PCGF3: variants seen among roughly 807,000 people sequenced by gnomAD.
PCGF3 encodes the protein polycomb group ring finger 3, also known as polycomb group RING finger protein 3.
PCGF3 carries 7 observed loss-of-function variants against 33.1 expected under a neutral mutation model. The ratio of observed to expected loss-of-function variants is 0.21; its 90% confidence interval spans 0.12 to 0.40. The LOEUF is 0.40. PCGF3 is among the 10% of genes least tolerant of loss of function. The probability of loss-of-function intolerance (pLI) is 1.00; values close to 1 mark genes in which losing one functional copy is unlikely to be tolerated. For missense variants in PCGF3, 211 were observed against 313.3 expected, an observed-to-expected ratio of 0.67 and a Z score of 2.46; for synonymous variants, 153 against 121.3, an observed-to-expected ratio of 1.26 and a Z score of -1.72.
chr4:729,519 G>A (rs933753270), intron 1 of PCGF3, among the ~76,000 whole-genome samples: 1 of 152,210 alleles, frequency 6.6e-6, no homozygotes, highest in Non-Finnish European at 1.5e-5. Context: ...GTGCTGTTGG[G>A]TAGTGGAGAT....
Position 720,070 on chromosome 4 carries a change from C to T in PCGF3, c.-189-10560C>T, listed in dbSNP as rs368847824. 2.6e-5 allele frequency among the ~76,000 whole-genome samples: 4 copies of T among 152,154 alleles called. No homozygotes were observed. Among genetic ancestry groups the T allele is most frequent in the East Asian group, 1.9e-4 (1 of 5,188 alleles). On this transcript the variant is annotated intron_variant, in intron 1 of 10. Transcript: ENST00000362003. This position sits in a 1 kb window ranked among gnomAD's most constrained non-coding sequence, Gnocchi z 5.6. ...AAATGAAAACAGGTTTTGCAGAGCC[C>T]GTTGGTGAAGGCAGGGGTGCCTCTG...
chr4:748,718 C>T (rs1034397933), intron 8 of PCGF3, among the ~76,000 whole-genome samples: 88 of 152,274 alleles, frequency 5.8e-4, no homozygotes, highest in African/African-American at 1.8e-3. Context: ...CCGATGTTGA[C>T]GTACCTGGTG....
chr4:764,978 C>T lies in PCGF3; in HGVS notation c.601-6C>T, dbSNP rs1745283073. Reference sequence around the variant, plus strand: ...CCGCTGCTAATCAAACCTCCTTATCCCCCAGCTGGACATTTTATGCAACGA... The same window carrying T: ...CCGCTGCTAATCAAACCTCCTTATCTCCCAGCTGGACATTTTATGCAACGA... On this transcript the variant is annotated splice_polypyrimidine_tract_variant and splice_region_variant and intron_variant, in intron 9 of 10. Transcript: ENST00000362003. The T allele has an allele frequency of 6.2e-7, 1 of 1,611,996 alleles. No individual in the cohort carries two copies. Among genetic ancestry groups the T allele is most frequent in the African/African-American group, 1.3e-5 (1 of 74,968 alleles).
chr4:767,678 T>TAAAACAAAAGCAAGTTCTTTG (rs1254469601), exon 11 of PCGF3: 1 of 152,310 alleles, frequency 6.6e-6, no homozygotes, highest in Non-Finnish European at 1.5e-5. Context: ...TAAGGCCTTT[T>TAAAACAAAAGCAAGTTCTTTG]AAAACAAAAG....
At chr4:730,911 T>C (rs1743528135) in intron 2 of PCGF3, 59 bp from the exon 3 acceptor site, 1 of 397,500 alleles carries the variant, frequency 2.5e-6, no homozygotes, top group Non-Finnish European at 4.4e-6. Flanking sequence ...AATGGCGGAG[T>C]TGTGGCAGTC....
exon 11 of PCGF3, chr4:769,752 C>CT (rs1745543414): frequency 7.4e-6 from 1 of 135,148 alleles, no homozygotes; most frequent in African/African-American, 4.0e-5. Context: ...ACTCCCATGG[C>CT]TTAATTGCCT....
At chr4:741,441 C>G (rs1044747332) in intron 6 of PCGF3, among the ~76,000 whole-genome samples, 2 of 152,192 alleles carry the variant, frequency 1.3e-5, no homozygotes, top group Middle Eastern at 3.2e-3. Context: ...GAGTTTTGCT[C>G]TTGTTGCCCA....
intron 6 of PCGF3, 77 bp downstream of exon 6, chr4:737,598 T>G: frequency 1.1e-6 from 1 of 906,030 alleles, no homozygotes; most frequent in Non-Finnish European, 1.8e-6. Flanking sequence ...GGAAGTTTGG[T>G]TCTCGGATGG....
intron 1 of PCGF3, among the ~76,000 whole-genome samples, chr4:729,164 C>T (rs1390134460): frequency 7.0e-6 from 1 of 143,524 alleles, no homozygotes; most frequent in Non-Finnish European, 1.5e-5. Context: ...CCTGTAATCT[C>T]AGCACTTTGG....
chr4:760,971 C>G (rs1745022837), intron 8 of PCGF3, among the ~76,000 whole-genome samples: 1 of 152,226 alleles, frequency 6.6e-6, no homozygotes, highest in Admixed American at 6.5e-5. Context: ...ACAGGCTTAG[C>G]TGGAGACCAA....
chr4:741,978 A>G (rs926544142), intron 6 of PCGF3, among the ~76,000 whole-genome samples: 4 of 151,940 alleles, frequency 2.6e-5, no homozygotes, highest in African/African-American at 9.7e-5. Flanking sequence ...AGCTGCTGGG[A>G]TGTGATTATT....
chr4:754,617 A>G (rs892422684), intron 8 of PCGF3, among the ~76,000 whole-genome samples: 22 of 152,280 alleles, frequency 1.4e-4, no homozygotes, highest in Non-Finnish European at 2.8e-4. Flanking sequence ...GGGCAGAGTG[A>G]ACGGGTAAGG....
chr4:751,617 T>TA (rs951711336), intron 8 of PCGF3, among the ~76,000 whole-genome samples: 448 of 144,006 alleles, frequency 3.1e-3, no homozygotes, highest in South Asian at 0.012. Flanking sequence ...TACTAAGCAT[T>TA]AAAAAAAAAA....
At chr4:713,737 C>G (rs967197248) in intron 1 of PCGF3, among the ~76,000 whole-genome samples, 5 of 152,064 alleles carry the variant, frequency 3.3e-5, no homozygotes, top group African/African-American at 1.2e-4. Context: ...TGTTCTGAGG[C>G]GGCATGAGTA....
At chr4:733,919 G>A (rs1368918636) in intron 4 of PCGF3, 130 bp downstream of exon 4, 1 of 1,568,590 alleles carries the variant, frequency 6.4e-7, no homozygotes, top group Non-Finnish European at 8.6e-7. Flanking sequence ...AGGACCAGGG[G>A]CAGAGACGAT....
chr4:766,470 G>T (rs7336), exon 11 of PCGF3: 52,726 of 164,464 alleles, frequency 0.32, 9,832 homozygotes, highest in African/African-American at 0.53. Context: ...TAAGCCTCAA[G>T]TGTAGTTGGA....
chr4:767,222 T>G (rs1285696499), exon 11 of PCGF3: 1 of 152,104 alleles, frequency 6.6e-6, no homozygotes, highest in Non-Finnish European at 1.5e-5. Context: ...CAGCTGAATC[T>G]GTGTTTCAGC....
intron 1 of PCGF3, among the ~76,000 whole-genome samples, chr4:723,250 C>G (rs1029580979): frequency 2.0e-5 from 3 of 152,234 alleles, no homozygotes; most frequent in Non-Finnish European, 4.4e-5. Context: ...AGGCTCCTAG[C>G]CGCTGCAGTT....
chr4:719,175 G>C (rs1742976774), intron 1 of PCGF3, among the ~76,000 whole-genome samples: 1 of 152,048 alleles, frequency 6.6e-6, no homozygotes, highest in Non-Finnish European at 1.5e-5. Flanking sequence ...GGCTGGTGTC[G>C]AACTCCTGAC....
Sources: allele counts gnomAD v4.1 joint callset (sites outside exome capture counted in the v4.1 genomes callset), GRCh38; gene constraint gnomAD v4.1.1; non-coding constraint Gnocchi (gnomAD v3.1); transcripts MANE v1.5; gene names NCBI Gene and HGNC (gene_info 2026-07-23, HGNC 2026-07-21).